Variants in CORO2B observed in about 807,000 individuals in gnomAD.
CORO2B encodes the protein coronin-2B.
A neutral mutation model predicts 58.8 loss-of-function variants in CORO2B; 26 were observed. The observed-to-expected ratio is 0.44, with a 90% confidence interval of 0.32 to 0.61. The LOEUF (loss-of-function observed/expected upper bound fraction) is 0.61. CORO2B is among the 20% of genes least tolerant of loss of function. CORO2B has a pLI of 0.04. For missense variants in CORO2B, 460 were observed against 645.1 expected (o/e 0.71, Z 3.11); for synonymous variants, 242 against 253.8 (o/e 0.95, Z 0.44).
chr15:68,692,799 A>C (rs953569206), intron 2 of CORO2B, among the ~76,000 whole-genome samples: 6 of 150,930 alleles, frequency 4.0e-5, no homozygotes, highest in Admixed American at 3.3e-4. Flanking sequence ...ATGCCTGGCT[A>C]ATTTTTGTAT....
chr15:68,579,074 G>A lies in CORO2B; in HGVS notation c.-189G>A, dbSNP rs1193588041. ...GGGGCTGACATCAGCGACGAGCGGC[G>A]GGCGAGCGCCGACGAGCGGTCCCTG... On this transcript the variant is annotated 5_prime_UTR_variant, in exon 1 of 12. Transcript: ENST00000261861. 3.0e-6 allele frequency: 3 copies of A among 983,612 alleles called. No individual in the cohort carries two copies. The highest frequency in any genetic ancestry group is 3.6e-6 in the Non-Finnish European group (3 of 829,292). 60.9% of individuals were successfully genotyped at this position (983,612 alleles called of 1,614,324 possible). A position where few individuals can be genotyped will look rare whatever the true frequency, so the allele number is the denominator to read the frequency against.
In CORO2B at chr15:68,719,203, C is replaced by A; in HGVS notation, c.1140C>A (p.Thr380=). The A allele has an allele frequency of 6.2e-7, 1 of 1,614,052 alleles. No individual in the cohort carries two copies. The highest frequency in any genetic ancestry group is 8.5e-7 in the Non-Finnish European group (1 of 1,180,000). Reference sequence around the variant, plus strand: ...CACCAGGCACGGAGCCAGCACTGACCCCGGATGAATGGCTGGGAGGCATCA... The same window carrying A: ...CACCAGGCACGGAGCCAGCACTGACACCGGATGAATGGCTGGGAGGCATCA... ...PMTPGTEPAL[T]PDEWLGGINR... Residue 380 remains threonine, a synonymous_variant, in exon 10 of 12, where the codon ACC becomes ACA. Coordinates refer to ENST00000261861, the MANE Select transcript of CORO2B (RefSeq NM_006091.5).
chr15:68,657,093 T>C (rs1007353906), intron 2 of CORO2B, among the ~76,000 whole-genome samples: 1 of 152,180 alleles, frequency 6.6e-6, no homozygotes, highest in African/African-American at 2.4e-5. Context: ...ATAATTTTAT[T>C]CAAATAAAAC....
At chr15:68,635,171 C>T (rs912066137) in intron 1 of CORO2B, among the ~76,000 whole-genome samples, 2 of 152,210 alleles carry the variant, frequency 1.3e-5, no homozygotes, top group African/African-American at 4.8e-5. Context: ...TCCACCTTCA[C>T]TCCTCTCCCC....
At chr15:68,521,454 C>T in the CORO2B span, among the ~76,000 whole-genome samples, 1 of 152,274 alleles carries the variant, frequency 6.6e-6, no homozygotes, top group Admixed American at 6.5e-5. Flanking sequence ...TGTCACATTA[C>T]ATTATTTTCT....
intron 5 of CORO2B, among the ~76,000 whole-genome samples, chr15:68,712,539 A>G (rs1892944236): frequency 6.6e-6 from 1 of 152,220 alleles, no homozygotes; most frequent in African/African-American, 2.4e-5. Context: ...ATATTCTGAC[A>G]TCGGAAACAA....
the CORO2B span, among the ~76,000 whole-genome samples, chr15:68,529,109 C>T: frequency 3.9e-5 from 6 of 152,042 alleles, no homozygotes; most frequent in Non-Finnish European, 7.4e-5. Context: ...GAGCGAAGTA[C>T]GTGGGTTGTT....
chr15:68,709,676 A>T (rs972843763), intron 3 of CORO2B, among the ~76,000 whole-genome samples: 4 of 151,872 alleles, frequency 2.6e-5, no homozygotes, highest in Admixed American at 2.0e-4. Context: ...ATGCTGAAAG[A>T]TTCTTTTTCT....
Position 68,726,064 on chromosome 15 carries a change from G to GA in CORO2B, c.*90_*91insA. The GA allele has an allele frequency of 6.4e-7, 1 of 1,551,672 alleles. No individual in the cohort carries two copies. ...CCTTACCAGTGACCCCAGAGACAGA[G>GA]CCAGGACAGGAGTGGGGGCCAGCCT... On this transcript the variant is annotated 3_prime_UTR_variant, in exon 12 of 12. Coordinates refer to ENST00000261861, the MANE Select transcript of CORO2B (RefSeq NM_006091.5).
rs74020257 is a variant in CORO2B at position 68,616,706 on chromosome 15, T to C, written c.16-28454T>C. On this transcript the variant is annotated intron_variant, in intron 1 of 11. Coordinates refer to ENST00000261861, the MANE Select transcript of CORO2B (RefSeq NM_006091.5). ...CTCCCATGGGCGAGGGCTAGCGTTA[T>C]CAAGGGCCCCGAGAGCTGGGTCTTG... is the stretch of plus-strand genomic sequence containing the variant. 7,923 of 807,186 alleles carry C rather than the reference T, an allele frequency of 9.8e-3. 462 individuals are homozygous for C. The African/African-American group carries it at 0.12, about 13-fold the overall frequency. The allele number at this position is 807,186 out of a possible 1,614,324, so 50.0% of individuals were successfully genotyped here.
At chr15:68,694,817 A>G (rs1027728614) in intron 2 of CORO2B, among the ~76,000 whole-genome samples, 4 of 152,150 alleles carry the variant, frequency 2.6e-5, no homozygotes, top group Non-Finnish European at 5.9e-5. Flanking sequence ...GTGGGTAGTA[A>G]CAGCTTAACT....
At chr15:68,522,111 A>G in the CORO2B span, among the ~76,000 whole-genome samples, 2 of 151,542 alleles carry the variant, frequency 1.3e-5, no homozygotes, top group African/African-American at 2.4e-5. Flanking sequence ...GCCTGGCCCC[A>G]TGGACTCCTT....
intron 3 of CORO2B, among the ~76,000 whole-genome samples, chr15:68,696,040 A>G (rs1892501174): frequency 6.6e-6 from 1 of 151,346 alleles, no homozygotes; most frequent in Non-Finnish European, 1.5e-5. Flanking sequence ...AGTTTGAGAC[A>G]GCCTGGGCAA....
chr15:68,718,935 A>C, intron 9 of CORO2B, 125 bp downstream of exon 9: 1 of 916,110 alleles, frequency 1.1e-6, no homozygotes, highest in South Asian at 1.5e-5. Flanking sequence ...CTTCAAACCT[A>C]ATTTGGGGTG....
At chr15:68,725,763 C>T (rs1893279805) in intron 11 of CORO2B, 80 bp from the exon 12 acceptor site, 8 of 1,574,798 alleles carry the variant, frequency 5.1e-6, no homozygotes, top group Non-Finnish European at 6.9e-6. Flanking sequence ...CGGCAGGCAG[C>T]TGGAGACTCA....
At chr15:68,520,394 T>A in the CORO2B span, among the ~76,000 whole-genome samples, 1 of 152,208 alleles carries the variant, frequency 6.6e-6, no homozygotes, top group Non-Finnish European at 1.5e-5. Flanking sequence ...AAATAGTGAT[T>A]TTTGTTTATT....
intron 1 of CORO2B, among the ~76,000 whole-genome samples, chr15:68,587,075 C>A (rs1899583572): frequency 6.6e-6 from 1 of 151,138 alleles, no homozygotes; most frequent in Non-Finnish European, 1.5e-5. Flanking sequence ...CACACACACA[C>A]ACACACACAC....
chr15:68,607,598 T>A (rs1900157660), intron 1 of CORO2B, among the ~76,000 whole-genome samples: 1 of 152,000 alleles, frequency 6.6e-6, no homozygotes, highest in Non-Finnish European at 1.5e-5. Flanking sequence ...TGGCAGGATC[T>A]CTTGAAGCCA....
At chr15:68,615,971 C>T (rs752077635) in intron 1 of CORO2B, among the ~76,000 whole-genome samples, 12 of 152,172 alleles carry the variant, frequency 7.9e-5, no homozygotes, top group Admixed American at 6.5e-5. Flanking sequence ...GTGGAGGAGG[C>T]TGCCGTTTAT....
Sources: allele counts gnomAD v4.1 joint callset (sites outside exome capture counted in the v4.1 genomes callset), GRCh38; gene constraint gnomAD v4.1.1; transcripts MANE v1.5; gene names NCBI Gene and HGNC (gene_info 2026-07-23, HGNC 2026-07-21).